Variants in MAPK10 observed in about 807,000 individuals in gnomAD.
MAPK10 encodes the protein mitogen-activated protein kinase 10, also known as JNK3 alpha protein kinase.
In MAPK10, 25 loss-of-function variants were observed where a neutral mutation model predicts 59.3. The ratio of observed to expected loss-of-function variants is 0.42; its 90% confidence interval spans 0.31 to 0.59. The LOEUF is 0.59. MAPK10 is among the 20% of genes least tolerant of loss of function. The probability of loss-of-function intolerance (pLI) is 0.15; values close to 1 mark genes in which losing one functional copy is unlikely to be tolerated. For synonymous variants in MAPK10, 190 were observed against 200.5 expected, an observed-to-expected ratio of 0.95 and a Z score of 0.44; for missense variants, 351 against 568.9, an observed-to-expected ratio of 0.62 and a Z score of 3.90.
chr4:86,149,548 C>A (rs569189859), intron 4 of MAPK10, among the ~76,000 whole-genome samples: 2 of 152,206 alleles, frequency 1.3e-5, no homozygotes, highest in Non-Finnish European at 1.5e-5. Context: ...ATTACAGGCA[C>A]GAGTCACCGC....
chr4:86,520,884 C>T (rs938958009), intron 1 of MAPK10, among the ~76,000 whole-genome samples: 5 of 152,112 alleles, frequency 3.3e-5, no homozygotes, highest in East Asian at 1.9e-4. Context: ...TATTGCCCTT[C>T]GGGGTCTAGT....
chr4:86,422,517 C>T (rs1008711952), intron 1 of MAPK10, among the ~76,000 whole-genome samples: 9 of 152,140 alleles, frequency 5.9e-5, no homozygotes, highest in Admixed American at 2.6e-4. Context: ...ATACTGTATC[C>T]GCTTCCTGCT....
intron 1 of MAPK10, among the ~76,000 whole-genome samples, chr4:86,448,305 C>G (rs554207457): frequency 7.4e-6 from 1 of 134,898 alleles, no homozygotes; most frequent in South Asian, 2.2e-4. Flanking sequence ...TAAATTTTCT[C>G]TCTATTTTTT....
intron 2 of MAPK10, among the ~76,000 whole-genome samples, chr4:86,234,585 G>T (rs928298785): frequency 3.9e-5 from 6 of 151,948 alleles, no homozygotes; most frequent in Admixed American, 3.3e-4. Flanking sequence ...TCTGACAAAT[G>T]ACAAATGTAT....
At chr4:86,368,565 G>A (rs1318453672) in intron 1 of MAPK10, among the ~76,000 whole-genome samples, 1 of 152,098 alleles carries the variant, frequency 6.6e-6, no homozygotes, top group African/African-American at 2.4e-5. Context: ...CTTCCTAGTG[G>A]ACAGAGCACT....
chr4:86,548,299 G>A (rs1046127610), intron 1 of MAPK10, among the ~76,000 whole-genome samples: 1 of 151,972 alleles, frequency 6.6e-6, no homozygotes, highest in African/African-American at 2.4e-5. Flanking sequence ...AACCCCACCA[G>A]AAGGAAGAAA....
intron 3 of MAPK10, among the ~76,000 whole-genome samples, chr4:86,164,216 T>C (rs1581643302): frequency 6.6e-6 from 1 of 152,302 alleles, no homozygotes; most frequent in East Asian, 1.9e-4. Flanking sequence ...TTATTATTTA[T>C]ATTCTGTATG....
At chr4:86,476,838 A>T (rs1184836135) in intron 1 of MAPK10, among the ~76,000 whole-genome samples, 1 of 152,104 alleles carries the variant, frequency 6.6e-6, no homozygotes, top group Admixed American at 6.5e-5. Flanking sequence ...TTCCTCTAGA[A>T]TCTCCTCCCC....
intron 5 of MAPK10, among the ~76,000 whole-genome samples, chr4:86,106,470 TTTA>T (rs2056559487): frequency 6.7e-6 from 1 of 149,172 alleles, no homozygotes; most frequent in Non-Finnish European, 1.5e-5. Context: ...ATTTGATGTA[TTTA>T]TTATAATTTA....
intron 1 of MAPK10, among the ~76,000 whole-genome samples, chr4:86,519,061 T>C (rs1756919345): frequency 6.6e-6 from 1 of 152,232 alleles, no homozygotes; most frequent in Admixed American, 6.5e-5. Context: ...GAATGTTCCA[T>C]GTGCTGAAGA....
chr4:86,510,633 G>T (rs1756156198), intron 1 of MAPK10, among the ~76,000 whole-genome samples: 1 of 151,272 alleles, frequency 6.6e-6, no homozygotes, highest in South Asian at 2.1e-4. Flanking sequence ...CTATATACAT[G>T]TATACAGATA....
At chr4:86,166,694 G>T (rs2149247207) in intron 3 of MAPK10, among the ~76,000 whole-genome samples, 1 of 152,242 alleles carries the variant, frequency 6.6e-6, no homozygotes, top group East Asian at 1.9e-4. Context: ...GAATATCCAT[G>T]TGCCCCTCTC....
At chr4:86,417,824 C>A (rs527632017) in intron 1 of MAPK10, among the ~76,000 whole-genome samples, 2 of 152,342 alleles carry the variant, frequency 1.3e-5, no homozygotes, top group East Asian at 3.9e-4. Context: ...CCTTTGAAGA[C>A]TCTCTCCTTT....
chr4:86,160,711 A>C (rs1044780929), intron 3 of MAPK10, among the ~76,000 whole-genome samples: 3 of 151,902 alleles, frequency 2.0e-5, no homozygotes, highest in Non-Finnish European at 2.9e-5. Flanking sequence ...TTAGTGAAAA[A>C]TCTGCCTATA....
At chr4:86,294,621 A>T (rs2095311321) in intron 2 of MAPK10, among the ~76,000 whole-genome samples, 1 of 152,152 alleles carries the variant, frequency 6.6e-6, no homozygotes, top group East Asian at 1.9e-4. Context: ...AAGAATGAAA[A>T]CAAATTTTCT....
intron 2 of MAPK10, among the ~76,000 whole-genome samples, chr4:86,296,056 A>G (rs1367462421): frequency 1.3e-5 from 2 of 151,210 alleles, no homozygotes; most frequent in Admixed American, 6.6e-5. Flanking sequence ...GGCATCTGTA[A>G]TCCCAGCTAC....
At chr4:86,154,102 A>C (rs2067119758) in intron 4 of MAPK10, among the ~76,000 whole-genome samples, 1 of 152,134 alleles carries the variant, frequency 6.6e-6, no homozygotes, top group African/African-American at 2.4e-5. Context: ...TAATGTTTGC[A>C]GAAACAAAAT....
intron 1 of MAPK10, among the ~76,000 whole-genome samples, chr4:86,550,414 C>G (rs1224779392): frequency 9.2e-6 from 1 of 109,228 alleles, no homozygotes; most frequent in Non-Finnish European, 1.9e-5. Flanking sequence ...AAAAAAAACT[C>G]CAGGCCAGGC....
chr4:86,369,868 A>T (rs1738487559), intron 1 of MAPK10, among the ~76,000 whole-genome samples: 1 of 152,220 alleles, frequency 6.6e-6, no homozygotes, highest in Admixed American at 6.5e-5. Context: ...ACCTGAGCAG[A>T]TCGCATGGCC....
Sources: gnomAD v4.1 joint callset for allele counts (sites outside exome capture counted in the v4.1 genomes callset) on GRCh38, gnomAD v4.1.1 for gene constraint, MANE v1.5 for transcripts, NCBI Gene and HGNC (gene_info 2026-07-23, HGNC 2026-07-21) for gene names.